The following TSHZ2 variants were observed in gnomAD, a reference collection of about 807,000 sequenced individuals.
The protein encoded by TSHZ2 is teashirt homolog 2.
Under a neutral mutation model 74.4 loss-of-function variants are expected in TSHZ2, and 21 were observed. That is an observed-to-expected ratio of 0.28 (90% confidence interval 0.20 to 0.41). The LOEUF (loss-of-function observed/expected upper bound fraction) is 0.41. Ranked by LOEUF, TSHZ2 falls within the 10% of genes least tolerant of loss-of-function variation. TSHZ2 has a pLI of 1.00. For synonymous variants in TSHZ2, 540 were observed against 515.3 expected, an observed-to-expected ratio of 1.05 and a Z score of -0.65; for missense variants, 1,244 against 1,293.5, an observed-to-expected ratio of 0.96 and a Z score of 0.59.
At position 53,361,512 on chromosome 20, in the gene TSHZ2, T is replaced by G. The variant is rs1235065170; in HGVS notation, c.*8+104941T>G. On this transcript the variant is annotated intron_variant, in intron 2 of 2. Transcript: ENST00000371497. ...CTCTTTTTTATAACTCAACTTAAAT[T>G]TTTTGTTTCAAATTCCCATTGATCT... Among the ~76,000 whole-genome samples, 4 of 152,188 alleles carry G rather than the reference T, an allele frequency of 2.6e-5. No homozygotes were observed. In the East Asian group the frequency reaches 7.7e-4, roughly 29 times the overall value.
At chr20:52,983,843 C>A (rs758682869) in intron 1 of TSHZ2, among the ~76,000 whole-genome samples, 1 of 152,172 alleles carries the variant, frequency 6.6e-6, no homozygotes, top group Non-Finnish European at 1.5e-5. Flanking sequence ...GAGGTTCAGC[C>A]TCTCCCTGCG....
intron 2 of TSHZ2, among the ~76,000 whole-genome samples, chr20:53,297,495 C>T (rs1440049015): frequency 2.0e-5 from 3 of 151,992 alleles, no homozygotes; most frequent in African/African-American, 7.2e-5. Flanking sequence ...TTGGTTTCTG[C>T]GATTATAGGC....
intron 1 of TSHZ2, among the ~76,000 whole-genome samples, chr20:53,025,286 T>C (rs1311097910): frequency 2.0e-5 from 3 of 152,192 alleles, no homozygotes; most frequent in African/African-American, 7.2e-5. Context: ...TTTAATATGG[T>C]TCATAATTTT....
At chr20:53,339,928 C>A (rs1286203721) in intron 2 of TSHZ2, among the ~76,000 whole-genome samples, 1 of 152,172 alleles carries the variant, frequency 6.6e-6, no homozygotes, top group Non-Finnish European at 1.5e-5. Context: ...CTCTCATCTG[C>A]CCCCCAAATC....
intron 1 of TSHZ2, among the ~76,000 whole-genome samples, chr20:53,238,177 C>G (rs193084718): frequency 3.9e-5 from 6 of 152,264 alleles, no homozygotes; most frequent in African/African-American, 1.4e-4. Flanking sequence ...TGCCAAGAAA[C>G]CATTCCGTTT....
At chr20:53,337,325 G>GT (rs1287382691) in intron 2 of TSHZ2, among the ~76,000 whole-genome samples, 1 of 152,204 alleles carries the variant, frequency 6.6e-6, no homozygotes, top group Non-Finnish European at 1.5e-5. Context: ...GTTGAATACT[G>GT]TGGGACTGTT....
intron 1 of TSHZ2, among the ~76,000 whole-genome samples, chr20:53,230,678 G>A (rs568952251): frequency 6.6e-6 from 1 of 152,252 alleles, no homozygotes; most frequent in East Asian, 1.9e-4. Context: ...GGATCATGAG[G>A]TCAGGAGTTT....
chr20:53,182,714 G>A (rs1424103546), intron 1 of TSHZ2, among the ~76,000 whole-genome samples: 2 of 151,964 alleles, frequency 1.3e-5, no homozygotes, highest in Non-Finnish European at 1.5e-5. Context: ...CTACCAGGAG[G>A]GTTTTCTGCC....
chr20:53,091,442 C>G (rs968516667), intron 1 of TSHZ2, among the ~76,000 whole-genome samples: 1 of 152,176 alleles, frequency 6.6e-6, no homozygotes, highest in Non-Finnish European at 1.5e-5. Flanking sequence ...GCTACAGATT[C>G]AAGTTGCTTT....
intron 1 of TSHZ2, among the ~76,000 whole-genome samples, chr20:53,203,815 G>C (rs1568810573): frequency 6.6e-6 from 1 of 151,944 alleles, no homozygotes; most frequent in Non-Finnish European, 1.5e-5. Context: ...AACTGAAACT[G>C]GGTTATAAAC....
intron 2 of TSHZ2, among the ~76,000 whole-genome samples, chr20:53,353,578 G>C (rs1010718853): frequency 2.6e-5 from 4 of 152,100 alleles, no homozygotes; most frequent in African/African-American, 4.8e-5. Flanking sequence ...CATTGGCCTA[G>C]GGTTGTATAT....
intron 1 of TSHZ2, among the ~76,000 whole-genome samples, chr20:53,156,229 A>G (rs1224189044): frequency 6.6e-6 from 1 of 152,218 alleles, no homozygotes; most frequent in Non-Finnish European, 1.5e-5. Flanking sequence ...GGGCCAAAAA[A>G]GCTAGTTGAA....
intron 2 of TSHZ2, among the ~76,000 whole-genome samples, chr20:53,300,837 T>C (rs1173602864): frequency 4.6e-5 from 7 of 152,226 alleles, no homozygotes; most frequent in Admixed American, 1.3e-4. Flanking sequence ...GGGGTCGCAA[T>C]TGGCAATGTG....
intron 2 of TSHZ2, among the ~76,000 whole-genome samples, chr20:53,299,998 CA>C (rs1301978540): frequency 2.6e-5 from 4 of 152,226 alleles, no homozygotes; most frequent in Non-Finnish European, 4.4e-5. Context: ...TCGTGCTGTT[CA>C]GCTAATTCCC....
intron 2 of TSHZ2, among the ~76,000 whole-genome samples, chr20:53,378,657 G>A (rs1981748408): frequency 6.6e-6 from 1 of 151,958 alleles, no homozygotes; most frequent in Non-Finnish European, 1.5e-5. Context: ...TACATCTCTG[G>A]TAATAAATGA....
At chr20:53,167,515 T>G (rs945267162) in intron 1 of TSHZ2, among the ~76,000 whole-genome samples, 4 of 152,258 alleles carry the variant, frequency 2.6e-5, no homozygotes, top group East Asian at 1.9e-4. Context: ...TCAGACTTTG[T>G]GTCAGGGTGG....
At chr20:53,086,003 T>G (rs914502238) in intron 1 of TSHZ2, among the ~76,000 whole-genome samples, 1 of 152,180 alleles carries the variant, frequency 6.6e-6, no homozygotes, top group African/African-American at 2.4e-5. Flanking sequence ...GGTCTCCAGC[T>G]GTTCCTCATC....
rs532444533 is a variant in TSHZ2 at position 53,151,436 on chromosome 20, T to C, written c.41-102063T>C. 2.2e-4 allele frequency among the ~76,000 whole-genome samples: 33 copies of C among 152,316 alleles called. 1 individual carries two copies. In the East Asian group the frequency reaches 4.0e-3, roughly 19 times the overall value. On this transcript the variant is annotated intron_variant, in intron 1 of 2. Coordinates refer to ENST00000371497, the MANE Select transcript of TSHZ2 (RefSeq NM_173485.6). ...CTACAAATTCCTCAACCAAAATTCT[T>C]TGAGGCAGATGTGTTTTACAGTTCA...
At chr20:53,343,153 G>A (rs200621) in intron 2 of TSHZ2, among the ~76,000 whole-genome samples, 46,196 of 151,144 alleles carry the variant, frequency 0.31, 8,454 homozygotes, top group Non-Finnish European at 0.41. Context: ...TTTTAGTAGA[G>A]ATGGGGTTTC....
Sources: gnomAD v4.1 joint callset for allele counts (sites outside exome capture counted in the v4.1 genomes callset) on GRCh38, gnomAD v4.1.1 for gene constraint, MANE v1.5 for transcripts, NCBI Gene and HGNC (gene_info 2026-07-23, HGNC 2026-07-21) for gene names.